DRD2: variants seen among roughly 807,000 people sequenced by gnomAD.
The protein encoded by DRD2 is dopamine receptor D2.
DRD2 carries 8 observed loss-of-function variants against 38.0 expected under a neutral mutation model. That is an observed-to-expected ratio of 0.21 (90% CI 0.12 to 0.38). DRD2 has a LOEUF of 0.38. Ranked by LOEUF, DRD2 falls within the 10% of genes least tolerant of loss-of-function variation. The pLI is 1.00. For missense variants in DRD2, 403 were observed against 607.7 expected, an observed-to-expected ratio of 0.66 and a Z score of 3.54; for synonymous variants, 230 against 238.6, an observed-to-expected ratio of 0.96 and a Z score of 0.33.
At chr11:113,442,289 C>T (rs1951102515) in intron 1 of DRD2, among the ~76,000 whole-genome samples, 1 of 152,220 alleles carries the variant, frequency 6.6e-6, no homozygotes, top group Non-Finnish European at 1.5e-5. Context: ...GCTGGTTTCA[C>T]TCAGTTTACA....
At position 113,464,497 on chromosome 11, in the gene DRD2, A is replaced by T. The variant is rs11214612; in HGVS notation, c.-32+10579T>A. Among the ~76,000 whole-genome samples the T allele has an allele frequency of 3.8e-3, 585 of 152,206 alleles. 1 individual carries two copies. Among genetic ancestry groups the T allele is most frequent in the Middle Eastern group, 0.027 (8 of 294 alleles). On this transcript the variant is annotated intron_variant, in intron 1 of 7. Coordinates refer to ENST00000362072, the MANE Select transcript of DRD2 (RefSeq NM_000795.4). ...TCTTTGGCACTAGCTCACTGTCTTC[A>T]ACTCCAGCCCAAGTTGTGCCATGAA...
chr11:113,418,263 CA>C, intron 2 of DRD2, 127 bp from the exon 3 acceptor site: 3 of 770,214 alleles, frequency 3.9e-6, no homozygotes, highest in Middle Eastern at 4.6e-4. Flanking sequence ...TGTGGGCATC[CA>C]GCTGGGGTGT....
At chr11:113,443,950 C>A (rs1316425488) in intron 1 of DRD2, among the ~76,000 whole-genome samples, 3 of 152,084 alleles carry the variant, frequency 2.0e-5, no homozygotes, top group Admixed American at 6.5e-5. Context: ...CTAAAAAAAA[C>A]TGGAAGCTGT....
At chr11:113,470,698 C>T (rs1445843819) in intron 1 of DRD2, among the ~76,000 whole-genome samples, 1 of 152,236 alleles carries the variant, frequency 6.6e-6, no homozygotes, top group Non-Finnish European at 1.5e-5. Flanking sequence ...TCTTTCAGGG[C>T]CTCCTAAGAG....
intron 2 of DRD2, 68 bp downstream of exon 2, chr11:113,424,299 A>C: frequency 6.5e-7 from 1 of 1,527,212 alleles, no homozygotes; most frequent in Non-Finnish European, 9.0e-7. Context: ...GTGGGGAGCT[A>C]GAGTCCCCAG....
intron 1 of DRD2, among the ~76,000 whole-genome samples, chr11:113,445,748 G>T (rs1401031003): frequency 2.0e-5 from 3 of 152,182 alleles, no homozygotes; most frequent in Non-Finnish European, 4.4e-5. Context: ...CTGTGTTCCA[G>T]GCATAGCAAC....
chr11:113,417,572 G>A (rs1284215418), intron 3 of DRD2, among the ~76,000 whole-genome samples: 1 of 152,184 alleles, frequency 6.6e-6, no homozygotes, highest in Non-Finnish European at 1.5e-5. Flanking sequence ...AGCTTAGCAA[G>A]GTGTGCATGG....
At chr11:113,417,532 G>A (rs191393332) in intron 3 of DRD2, among the ~76,000 whole-genome samples, 70 of 152,124 alleles carry the variant, frequency 4.6e-4, no homozygotes, top group Non-Finnish European at 7.8e-4. Flanking sequence ...GGTCATATCT[G>A]TGCAAATTAG....
At chr11:113,451,617 A>G (rs1951210495) in intron 1 of DRD2, among the ~76,000 whole-genome samples, 2 of 152,060 alleles carry the variant, frequency 1.3e-5, no homozygotes, top group Admixed American at 1.3e-4. Context: ...CAGCCTCCCA[A>G]GTAACTGGGA....
At chr11:113,469,282 C>T (rs776573440) in intron 1 of DRD2, among the ~76,000 whole-genome samples, 9 of 152,116 alleles carry the variant, frequency 5.9e-5, no homozygotes, top group Non-Finnish European at 8.8e-5. Flanking sequence ...AACACTTCCT[C>T]GCTGGTTCTC....
intron 1 of DRD2, among the ~76,000 whole-genome samples, chr11:113,472,782 G>T (rs1951442556): frequency 6.6e-6 from 1 of 152,196 alleles, no homozygotes; most frequent in Non-Finnish European, 1.5e-5. Context: ...CTCACCCAGA[G>T]GGGAGGGCAG....
intron 1 of DRD2, among the ~76,000 whole-genome samples, chr11:113,457,266 C>A (rs1000624868): frequency 6.6e-6 from 1 of 152,178 alleles, no homozygotes; most frequent in African/African-American, 2.4e-5. Context: ...AGTTAAAGAA[C>A]ATATGCCTAG....
rs202032930 is a variant in DRD2, at chr11:113,410,621, G to A, written c.*106C>T. ...ACTGCAGGGCCTGCCGGGGTGAAGA[G>A]GAGGCCGATCCACCCAGGCCTTCCT... On this transcript the variant is annotated 3_prime_UTR_variant, in exon 8 of 8. Coordinates refer to ENST00000362072, the MANE Select transcript of DRD2 (RefSeq NM_000795.4). The A allele has an allele frequency of 7.0e-7, 1 of 1,428,358 alleles. No homozygotes were observed. The allele number at this position is 1,428,358 out of a possible 1,614,324, so 88.5% of individuals were successfully genotyped here. A position where few individuals can be genotyped will look rare whatever the true frequency, so the allele number is the denominator to read the frequency against.
chr11:113,422,274 T>A (rs1198234526), intron 2 of DRD2, among the ~76,000 whole-genome samples: 1 of 152,246 alleles, frequency 6.6e-6, no homozygotes, highest in Non-Finnish European at 1.5e-5. Flanking sequence ...TTTATCATCA[T>A]CGCCATGGCT....
At chr11:113,451,034 A>G (rs1951205605) in intron 1 of DRD2, among the ~76,000 whole-genome samples, 2 of 152,220 alleles carry the variant, frequency 1.3e-5, no homozygotes, top group Non-Finnish European at 2.9e-5. Context: ...GATTTAGCTC[A>G]GTTCCTTCTC....
intron 2 of DRD2, among the ~76,000 whole-genome samples, chr11:113,423,384 T>G (rs917413933): frequency 1.3e-5 from 2 of 152,198 alleles, no homozygotes; most frequent in Admixed American, 1.3e-4. Flanking sequence ...CAAGCAATTC[T>G]CCTGCCTCAG....
intron 1 of DRD2, among the ~76,000 whole-genome samples, chr11:113,466,630 T>C (rs1428857475): frequency 6.6e-6 from 1 of 151,830 alleles, no homozygotes; most frequent in East Asian, 1.9e-4. Context: ...GAGATACCTC[T>C]AGTGGGGGAT....
At chr11:113,474,227 T>A (rs1951456061) in intron 1 of DRD2, 1 of 152,374 alleles carries the variant, frequency 6.6e-6, no homozygotes, top group Admixed American at 6.5e-5. Context: ...CGCACCCTCT[T>A]ACCTCTGCTC....
chr11:113,448,778 T>C (rs1015263672), intron 1 of DRD2, among the ~76,000 whole-genome samples: 1 of 152,156 alleles, frequency 6.6e-6, no homozygotes, highest in African/African-American at 2.4e-5. Context: ...TAGCTCTCCT[T>C]GGCCACCTCT....
Sources: gnomAD v4.1 joint callset for allele counts (sites outside exome capture counted in the v4.1 genomes callset) on GRCh38, gnomAD v4.1.1 for gene constraint, MANE v1.5 for transcripts, NCBI Gene and HGNC (gene_info 2026-07-23, HGNC 2026-07-21) for gene names.